The following ZCCHC7 variants were observed in gnomAD, a reference collection of about 807,000 sequenced individuals.
The protein encoded by ZCCHC7 is zinc finger CCHC-type containing 7.
In ZCCHC7, 35 loss-of-function variants were observed where a neutral mutation model predicts 52.0. The observed-to-expected ratio is 0.67, with a 90% confidence interval of 0.51 to 0.89. The LOEUF (loss-of-function observed/expected upper bound fraction) is 0.89, where lower values mean the gene tolerates loss of function less well. Ranked by LOEUF, ZCCHC7 falls within the 40% of genes least tolerant of loss-of-function variation. The pLI is 0.00. For missense variants in ZCCHC7, 574 were observed against 649.1 expected, an observed-to-expected ratio of 0.88 and a Z score of 1.26; for synonymous variants, 217 against 221.5, an observed-to-expected ratio of 0.98 and a Z score of 0.18.
intron 2 of ZCCHC7, among the ~76,000 whole-genome samples, chr9:37,275,899 C>T (rs756482638): frequency 6.6e-5 from 10 of 152,216 alleles, no homozygotes; most frequent in African/African-American, 4.8e-5. Context: ...GATCCGCCTG[C>T]CTCAGCCTCC....
intron 2 of ZCCHC7, among the ~76,000 whole-genome samples, chr9:37,222,328 A>AGTGTGTGTGTGTGTGT (rs74182938): frequency 7.5e-6 from 1 of 133,008 alleles, no homozygotes; most frequent in East Asian, 2.2e-4. Flanking sequence ...AGAATAACAG[A>AGTGTGTGTGTGTGTGT]GTGTGTGTGT....
At chr9:37,120,393 A>C (rs1470476690), upstream of ZCCHC7, 9 of 383,918 alleles carry the variant, frequency 2.3e-5, no homozygotes, top group Non-Finnish European at 4.2e-5. Flanking sequence ...AGGCAAACCT[A>C]ATAATTATGG....
chr9:37,224,048 T>A (rs1824967371), intron 2 of ZCCHC7, among the ~76,000 whole-genome samples: 1 of 152,148 alleles, frequency 6.6e-6, no homozygotes, highest in South Asian at 2.1e-4. Context: ...GGTTCTTTTT[T>A]ATTTTTATTC....
chr9:37,212,070 A>AAAAAAAAAAAAAT (rs1824267161), intron 2 of ZCCHC7, among the ~76,000 whole-genome samples: 1 of 138,638 alleles, frequency 7.2e-6, no homozygotes, highest in Non-Finnish European at 1.6e-5. Flanking sequence ...AAAAAAGAAA[A>AAAAAAAAAAAAAT]TCTTTGGCAA....
At chr9:37,191,387 AT>A (rs1398135262) in intron 2 of ZCCHC7, among the ~76,000 whole-genome samples, 1 of 151,526 alleles carries the variant, frequency 6.6e-6, no homozygotes, top group Admixed American at 6.6e-5. Flanking sequence ...TTTTTGTCAT[AT>A]TTTTTCTCCT....
At chr9:37,355,774 G>GA (rs1000063699) in intron 8 of ZCCHC7, among the ~76,000 whole-genome samples, 3 of 152,164 alleles carry the variant, frequency 2.0e-5, no homozygotes, top group African/African-American at 7.2e-5. Flanking sequence ...TCATTTGGTT[G>GA]AAAAAATCCA....
At chr9:37,266,414 C>A (rs997683309) in intron 2 of ZCCHC7, among the ~76,000 whole-genome samples, 4 of 152,016 alleles carry the variant, frequency 2.6e-5, no homozygotes, top group African/African-American at 9.7e-5. Context: ...CTATAAAGTT[C>A]TTGACAGGAT....
chr9:37,144,414 A>ATGTGT (rs936452817), intron 2 of ZCCHC7, among the ~76,000 whole-genome samples: 1 of 151,974 alleles, frequency 6.6e-6, no homozygotes, highest in African/African-American at 2.4e-5. Flanking sequence ...ATCATATGTT[A>ATGTGT]TTTGTGGGTT....
intron 2 of ZCCHC7, among the ~76,000 whole-genome samples, chr9:37,161,415 A>C (rs1243278110): frequency 2.0e-5 from 3 of 152,106 alleles, no homozygotes; most frequent in Non-Finnish European, 4.4e-5. Flanking sequence ...TCTACTAAAA[A>C]TACAAAAAAA....
chr9:37,140,364 A>G (rs1653475032), intron 2 of ZCCHC7, among the ~76,000 whole-genome samples: 2 of 152,160 alleles, frequency 1.3e-5, no homozygotes, highest in Non-Finnish European at 2.9e-5. Flanking sequence ...GGTTTGCTTA[A>G]AAAATGATAC....
intron 2 of ZCCHC7, among the ~76,000 whole-genome samples, chr9:37,182,352 T>G (rs1006885335): frequency 2.6e-5 from 4 of 151,026 alleles, no homozygotes; most frequent in Middle Eastern, 3.4e-3. Flanking sequence ...TTTTTTTTCT[T>G]TTTTTCTTTT....
At chr9:37,215,449 A>G (rs962815024) in intron 2 of ZCCHC7, among the ~76,000 whole-genome samples, 3 of 152,178 alleles carry the variant, frequency 2.0e-5, no homozygotes, top group African/African-American at 7.2e-5. Context: ...AAGGAAAAAA[A>G]TTTTATCTTT....
At chr9:37,302,806 G>A (rs1829095983) in intron 3 of ZCCHC7, among the ~76,000 whole-genome samples, 1 of 152,054 alleles carries the variant, frequency 6.6e-6, no homozygotes, top group Admixed American at 6.5e-5. Context: ...ATGCATTGTT[G>A]GTACTCTCTT....
At chr9:37,270,804 TAATAA>T (rs1281121340) in intron 2 of ZCCHC7, among the ~76,000 whole-genome samples, 1 of 146,590 alleles carries the variant, frequency 6.8e-6, no homozygotes, top group Non-Finnish European at 1.5e-5. Flanking sequence ...TTTCCAGCAA[TAATAA>T]AAAAAAAAAA....
rs535292549 is a variant in ZCCHC7, at chr9:37,168,624, G to A, written c.610+41682G>A. On this transcript the variant is annotated intron_variant, in intron 2 of 8. Transcript: ENST00000336755. ...TGTAAACAAAGTACCCAGGCCAGGC[G>A]TGCTGGCTCATGCCTGTAATCCCAG... 3.3e-5 allele frequency among the ~76,000 whole-genome samples: 5 copies of A among 152,250 alleles called. No individual in the cohort carries two copies. In the East Asian group the frequency reaches 9.7e-4, roughly 29 times the overall value.
At chr9:37,251,207 C>T (rs1826313121) in intron 2 of ZCCHC7, among the ~76,000 whole-genome samples, 1 of 152,024 alleles carries the variant, frequency 6.6e-6, no homozygotes, top group African/African-American at 2.4e-5. Context: ...TTTCATTTCT[C>T]ATTTTTTTCA....
chr9:37,286,377 A>G (rs546690777), intron 2 of ZCCHC7, among the ~76,000 whole-genome samples: 1 of 152,312 alleles, frequency 6.6e-6, no homozygotes, highest in South Asian at 2.1e-4. Flanking sequence ...AATTAGAAAT[A>G]CAGGCTGGGC....
chr9:37,344,882 C>T (rs1346457326), intron 6 of ZCCHC7, among the ~76,000 whole-genome samples: 18 of 152,156 alleles, frequency 1.2e-4, no homozygotes, highest in Admixed American at 9.8e-4. Flanking sequence ...TGAAGGAATG[C>T]ATGCATACAC....
intron 2 of ZCCHC7, among the ~76,000 whole-genome samples, chr9:37,188,022 G>A (rs1327593186): frequency 6.6e-6 from 1 of 152,120 alleles, no homozygotes; most frequent in Non-Finnish European, 1.5e-5. Flanking sequence ...TGAGTTTTCA[G>A]CCATTATTTA....
Sources: allele counts gnomAD v4.1 joint callset (sites outside exome capture counted in the v4.1 genomes callset), GRCh38; gene constraint gnomAD v4.1.1; transcripts MANE v1.5; gene names NCBI Gene and HGNC (gene_info 2026-07-23, HGNC 2026-07-21).